The following DACT1 variants were observed in gnomAD, a reference collection of about 807,000 sequenced individuals.
DACT1 encodes the protein dishevelled binding antagonist of beta catenin 1, also known as dapper homolog 1.
DACT1 carries 19 observed loss-of-function variants against 35.3 expected under a neutral mutation model. That is an observed-to-expected ratio of 0.54 (90% confidence interval 0.38 to 0.79). The LOEUF is 0.79. Ranked by LOEUF, DACT1 falls within the 30% of genes least tolerant of loss-of-function variation. The pLI is 0.00. For missense variants in DACT1, 1,143 were observed against 1,057.5 expected (o/e 1.08, Z -1.12); for synonymous variants, 545 against 466.7 (o/e 1.17, Z -2.16).
chr14:58,638,116 C>T lies in DACT1; in HGVS notation c.-87C>T. 1 of 1,207,304 alleles carries T rather than the reference C, an allele frequency of 8.3e-7. No individual in the cohort carries two copies. The highest frequency in any genetic ancestry group is 1.0e-6 in the Non-Finnish European group (1 of 969,068). The allele number at this position is 1,207,304 out of a possible 1,614,324, so 74.8% of individuals were successfully genotyped here. ...GCGCCCCGCCACAGGGCGGCATGAG[C>T]CCACCCGCGGCCGCAGCCCTAGCGC... On this transcript the variant is annotated 5_prime_UTR_variant, in exon 1 of 4. Transcript: ENST00000395153.
Position 58,638,341 on chromosome 14 carries a change from C to G in DACT1, c.139C>G (p.Arg47Gly), listed in dbSNP as rs2047593593. The G allele has an allele frequency of 7.6e-7, 1 of 1,311,492 alleles. No homozygotes were observed. Among genetic ancestry groups the G allele is most frequent in the Non-Finnish European group, 9.7e-7 (1 of 1,035,432 alleles). The allele number at this position is 1,311,492 out of a possible 1,614,324, so 81.2% of individuals were successfully genotyped here. A position where few individuals can be genotyped will look rare whatever the true frequency, so the allele number is the denominator to read the frequency against. ...ADTERQRTRERQEATLAGLAE... is the reference protein window; with the variant it reads ...ADTERQRTREGQEATLAGLAE... ...CACCGAGCGGCAGCGCACCCGGGAG[C>G]GGCAGGAGGCCACGCTGGCCGGGCT... The change falls in exon 1 of 4, where the codon CGG (arginine) becomes GGG (glycine). Residue 47 changes from arginine to glycine, a missense_variant. Coordinates refer to ENST00000395153, the MANE Select transcript of DACT1 (RefSeq NM_001079520.2).
At position 58,641,396 on chromosome 14, in the gene DACT1, T is replaced by C. The variant is rs1439421489; in HGVS notation, c.479-196T>C. 2.0e-5 allele frequency among the ~76,000 whole-genome samples: 3 copies of C among 152,300 alleles called. No individual in the cohort carries two copies. In the East Asian group the frequency reaches 5.8e-4, roughly 29 times the overall value. ...TAACTCTGAAATGTACCCCTAGTTA[T>C]GGGCTCTTTGCCTTTTCCTAAGGAT... On this transcript the variant is annotated intron_variant, in intron 2 of 3. Coordinates refer to ENST00000395153, the MANE Select transcript of DACT1 (RefSeq NM_001079520.2).
Position 58,645,647 on chromosome 14 carries a change from A to G in DACT1, c.913A>G (p.Ile305Val). ...ATCCAGCAAGAAAATGGATGGCTAC[A>G]TTCTGAGCCTGGTCCAGAAAAAAAC... ...PSSSKKMDGY[I>V]LSLVQKKTHP... The change falls in exon 4 of 4, where the codon ATT (isoleucine) becomes GTT (valine). Residue 305 changes from isoleucine to valine, a missense_variant. Ile to Val is a conservative substitution (Grantham distance 29). This residue lies in a region of DACT1 where 1,054 missense variants were observed against 958.8 expected (regional missense o/e 1.10). Transcript: ENST00000395153. 3 of 1,614,180 alleles carry G rather than the reference A, an allele frequency of 1.9e-6. No homozygotes were observed. Among genetic ancestry groups the G allele is most frequent in the Non-Finnish European group, 2.5e-6 (3 of 1,180,028 alleles).
chr14:58,646,068 C>T lies in DACT1; in HGVS notation c.1334C>T (p.Ser445Leu). The change falls in exon 4 of 4, where the codon TCA becomes TTA. Residue 445 changes from serine to leucine, a missense_variant. By Grantham distance (145) the Ser-to-Leu change is moderately radical. This residue lies in a region of DACT1 where 1,054 missense variants were observed against 958.8 expected (regional missense o/e 1.10). Coordinates refer to ENST00000395153, the MANE Select transcript of DACT1 (RefSeq NM_001079520.2). ...GESPKESAQL[S>L]GASPKESPSR... ...TCCCCTAAGGAAAGCGCTCAGCTCT[C>T]AGGGGCCTCTCCAAAAGAGAGTCCT... 6.2e-7 allele frequency: 1 copy of T among 1,613,802 alleles called. No homozygotes were observed. The highest frequency in any genetic ancestry group is 8.5e-7 in the Non-Finnish European group (1 of 1,179,916).
chr14:58,638,677 G>GCC (rs2047598916), intron 1 of DACT1, 130 bp downstream of exon 1: 1 of 1,208,268 alleles, frequency 8.3e-7, no homozygotes, highest in South Asian at 4.3e-5. Context: ...GCCCCCGACC[G>GCC]CCCCATACCT....
intron 1 of DACT1, among the ~76,000 whole-genome samples, chr14:58,640,153 G>T (rs1054662450): frequency 1.3e-5 from 2 of 152,170 alleles, no homozygotes; most frequent in Non-Finnish European, 2.9e-5. Flanking sequence ...TTCAAATCTC[G>T]ATGGGCCTTC....
chr14:58,646,963 G>A lies in DACT1; in HGVS notation c.2229G>A (p.Gly743=). The A allele has an allele frequency of 6.2e-7, 1 of 1,614,152 alleles. No homozygotes were observed. The highest frequency in any genetic ancestry group is 8.5e-7 in the Non-Finnish European group (1 of 1,180,032). ...STTTSDSEES[G]GLIWSQFVQT... is the part of the protein sequence containing the mutation. ...CCACCAGCGACTCTGAAGAAAGCGG[G>A]GGCTTAATTTGGTCCCAGTTTGTCC... The change falls in exon 4 of 4, where the codon GGG becomes GGA. Residue 743 remains glycine (G), a synonymous_variant. Transcript: ENST00000395153.
rs1029191937 is a variant in DACT1 at position 58,647,309 on chromosome 14, A to G, written c.*175A>G. 6 of 731,838 alleles carry G rather than the reference A, an allele frequency of 8.2e-6. No individual in the cohort carries two copies. The highest frequency in any genetic ancestry group is 1.8e-5 in the African/African-American group (1 of 55,764). 45.3% of individuals were successfully genotyped at this position (731,838 alleles called of 1,614,324 possible). ...TCACGTATGGATGCTAGTGCCTTTA[A>G]TGGAAGGTAAAGAATGTTTTGCTAG... is the stretch of plus-strand genomic sequence containing the variant. On this transcript the variant is annotated 3_prime_UTR_variant, in exon 4 of 4. Coordinates refer to ENST00000395153, the MANE Select transcript of DACT1 (RefSeq NM_001079520.2).
chr14:58,646,932 G>A lies in DACT1; in HGVS notation c.2198G>A (p.Ser733Asn), dbSNP rs764490850. 4 of 1,613,176 alleles carry A rather than the reference G, an allele frequency of 2.5e-6. No individual in the cohort carries two copies. Among genetic ancestry groups the A allele is most frequent in the African/African-American group, 2.7e-5 (2 of 74,908 alleles). Residue 733 changes from serine (S) to asparagine (N), a missense_variant, in exon 4 of 4, where the codon AGC (serine) becomes AAC (asparagine). Coordinates refer to ENST00000395153, the MANE Select transcript of DACT1 (RefSeq NM_001079520.2). ...AGCGAGGGCGAGTTCGTGGGGGAGA[G>A]CACAACCACCAGCGACTCTGAAGAA... is the stretch of plus-strand genomic sequence containing the variant. ...SVSEGEFVGE[S>N]TTTSDSEESG...
rs1353627382 is a variant in DACT1, at chr14:58,638,077, T to TCCCCGCCAGCGCCGCG, written c.-117_-102dup. On this transcript the variant is annotated 5_prime_UTR_variant, in exon 1 of 4. Transcript: ENST00000395153. ...AGGACTCGAGGGCTTCTAGCCACCG[T>TCCCCGCCAGCGCCGCG]CCCCGCCAGCGCCGCGCCCCGCCAC... 4.8e-6 allele frequency: 5 copies of TCCCCGCCAGCGCCGCG among 1,045,158 alleles called. No individual in the cohort carries two copies. In the African/African-American group the frequency reaches 8.4e-5, roughly 18 times the overall value. The allele number at this position is 1,045,158 out of a possible 1,614,324, so 64.7% of individuals were successfully genotyped here.
Position 58,638,451 on chromosome 14 carries a change from G to T in DACT1, c.249G>T (p.Ala83=), listed in dbSNP as rs779204323. The change falls in exon 1 of 4, where the codon GCG becomes GCT. Residue 83 remains alanine (A), a synonymous_variant. Transcript: ENST00000395153. ...LRGAGGAGAA[A]PRAGELLGEA... ...GCGCCGGGGGTGCGGGAGCCGCTGC[G>T]CCCCGCGCTGGGGAGCTACTGGGGG... 2 of 1,349,844 alleles carry T rather than the reference G, an allele frequency of 1.5e-6. No homozygotes were observed. The highest frequency in any genetic ancestry group is 1.9e-6 in the Non-Finnish European group (2 of 1,046,730). 83.6% of individuals were successfully genotyped at this position (1,349,844 alleles called of 1,614,324 possible).
At position 58,645,769 on chromosome 14, in the gene DACT1, C is replaced by A; in HGVS notation, c.1035C>A (p.Gly345=). Residue 345 remains glycine (G), a synonymous_variant, in exon 4 of 4, where the codon GGC becomes GGA. Coordinates refer to ENST00000395153, the MANE Select transcript of DACT1 (RefSeq NM_001079520.2). ...RNGSVCVRAP[G]GVSQGNSVNL... Reference sequence around the variant, plus strand: ...GGAGCGTTTGTGTCAGAGCCCCGGGCGGTGTCTCACAGGGCAACAGTGTGA... The same window carrying A: ...GGAGCGTTTGTGTCAGAGCCCCGGGAGGTGTCTCACAGGGCAACAGTGTGA... 2 of 1,614,248 alleles carry A rather than the reference C, an allele frequency of 1.2e-6. No individual in the cohort carries two copies. The highest frequency in any genetic ancestry group is 1.7e-6 in the Non-Finnish European group (2 of 1,180,050).
At position 58,646,515 on chromosome 14, in the gene DACT1, G is replaced by C. The variant is rs201947883; in HGVS notation, c.1781G>C (p.Gly594Ala). The C allele has an allele frequency of 6.4e-7, 1 of 1,559,982 alleles. No homozygotes were observed. The highest frequency in any genetic ancestry group is 2.4e-5 in the East Asian group (1 of 42,408). The change falls in exon 4 of 4, where the codon GGG becomes GCG. Residue 594 changes from glycine to alanine, a missense_variant. Gly to Ala is a moderately conservative substitution (Grantham distance 60). Transcript: ENST00000395153. The stretch of plus-strand genomic sequence containing the variant: ...AAACTCAAGAAAGCCTCCTCCAAGG[G>C]GAGGAAGAGTGGGGGCGGGCCCGAG... The part of the protein sequence containing the change: ...NKKLKKASSK[G>A]RKSGGGPEAG...
In DACT1 at chr14:58,646,888, G is replaced by A; in HGVS notation, c.2154G>A (p.Gly718=). 1.2e-6 allele frequency: 2 copies of A among 1,614,162 alleles called. No individual in the cohort carries two copies. The highest frequency in any genetic ancestry group is 1.7e-6 in the Non-Finnish European group (2 of 1,180,032). The change falls in exon 4 of 4, where the codon GGG becomes GGA. Residue 718 remains glycine (G), a synonymous_variant. Coordinates refer to ENST00000395153, the MANE Select transcript of DACT1 (RefSeq NM_001079520.2). The part of the protein sequence containing the change: ...EQSNYTTNCF[G]DSESSVSEGE... Reference sequence around the variant, plus strand: ...GCAATTACACCACCAACTGCTTCGGGGACAGCGAGTCGAGTGTGAGCGAGG... The same window carrying A: ...GCAATTACACCACCAACTGCTTCGGAGACAGCGAGTCGAGTGTGAGCGAGG...
rs1257925178 is a variant in DACT1 at position 58,646,752 on chromosome 14, C to T, written c.2018C>T (p.Pro673Leu). ...ENVGLYPAPV[P>L]LPYASPYAYV... ...GTGGGGCTGTACCCCGCGCCTGTGC[C>T]TCTGCCCTACGCCAGCCCCTACGCC... The change falls in exon 4 of 4, where the codon CCT becomes CTT. Residue 673 changes from proline (P) to leucine (L), a missense_variant. Transcript: ENST00000395153. 4.3e-6 allele frequency: 7 copies of T among 1,613,906 alleles called. No homozygotes were observed. Among genetic ancestry groups the T allele is most frequent in the Non-Finnish European group, 5.9e-6 (7 of 1,180,048 alleles).
In DACT1 at chr14:58,646,397, C is replaced by A; in HGVS notation, c.1663C>A (p.Gln555Lys). Residue 555 changes from glutamine to lysine, a missense_variant, in exon 4 of 4, where the codon CAG (glutamine) becomes AAG (lysine). Physicochemically the swap from Gln to Lys is moderately conservative, Grantham distance 53. Around this residue, in one of 3 missense-constraint regions of DACT1, gnomAD observed 1,054 missense variants for 958.8 expected, o/e 1.10. Transcript: ENST00000395153. Reference protein sequence around the residue: ...SSLKHRGPALQGLENGLPTVR... With the variant: ...SSLKHRGPALKGLENGLPTVR... ...CCTGAAGCACCGCGGCCCAGCCCTC[C>A]AGGGGCTGGAGAACGGCTTGCCCAC... 6.2e-7 allele frequency: 1 copy of A among 1,602,994 alleles called. No homozygotes were observed. The highest frequency in any genetic ancestry group is 1.8e-5 in the Admixed American group (1 of 55,642).
In DACT1 at chr14:58,646,226, A is replaced by G; in HGVS notation, c.1492A>G (p.Arg498Gly). 1 of 1,613,966 alleles carries G rather than the reference A, an allele frequency of 6.2e-7. No homozygotes were observed. The highest frequency in any genetic ancestry group is 8.5e-7 in the Non-Finnish European group (1 of 1,179,958). ...GTCTACAGCTTTCCCCGTGGAAGAGAGGCCTGCCTTGGATTTCAAGAGCGA... is the reference window on the plus strand; with the variant it reads ...GTCTACAGCTTTCCCCGTGGAAGAGGGGCCTGCCTTGGATTTCAAGAGCGA... ...LLSTAFPVEE[R>G]PALDFKSEGS... Residue 498 changes from arginine (R) to glycine (G), a missense_variant, in exon 4 of 4, where the codon AGG becomes GGG. Physicochemically the swap from Arg to Gly is moderately radical, Grantham distance 125. Transcript: ENST00000395153.
chr14:58,639,366 C>A, intron 1 of DACT1: 1 of 663,410 alleles, frequency 1.5e-6, no homozygotes, highest in Non-Finnish European at 1.9e-6. Context: ...TATTGATGAA[C>A]AGCTTTTGAC....
At chr14:58,643,083 A>G (rs1307706517) in intron 3 of DACT1, among the ~76,000 whole-genome samples, 2 of 152,216 alleles carry the variant, frequency 1.3e-5, no homozygotes, top group African/African-American at 2.4e-5. Flanking sequence ...TTAAGGCTCT[A>G]TAGATGGTGA....
Sources: allele counts gnomAD v4.1 joint callset (sites outside exome capture counted in the v4.1 genomes callset), GRCh38; gene constraint gnomAD v4.1.1; regional missense constraint gnomAD v4.1.1; transcripts MANE v1.5; gene names NCBI Gene and HGNC (gene_info 2026-07-23, HGNC 2026-07-21).